The following CD72 variants were observed in gnomAD, a reference collection of about 807,000 sequenced individuals.
The protein encoded by CD72 is CD72 molecule, also known as B-cell differentiation antigen CD72.
CD72 carries 28 observed loss-of-function variants against 50.7 expected under a neutral mutation model. That is an observed-to-expected ratio of 0.55 (90% CI 0.41 to 0.76). The LOEUF (loss-of-function observed/expected upper bound fraction) is 0.76. Ranked by LOEUF, CD72 falls within the 30% of genes least tolerant of loss-of-function variation. The pLI is 0.00. For synonymous variants in CD72, 176 were observed against 171.2 expected (o/e 1.03, Z -0.22); for missense variants, 403 against 420.6 (o/e 0.96, Z 0.37).
upstream of CD72, among the ~76,000 whole-genome samples, chr9:35,624,072 C>T (rs535360878): frequency 6.6e-6 from 1 of 150,534 alleles, no homozygotes; most frequent in South Asian, 2.1e-4. Context: ...ATTAGCTGGG[C>T]GTGGTGGCAC....
At chr9:35,643,975 A>C (rs1279524262) in intron 1 of CD72, among the ~76,000 whole-genome samples, 5 of 151,668 alleles carry the variant, frequency 3.3e-5, no homozygotes, top group Non-Finnish European at 7.4e-5. Flanking sequence ...GACAGAGAAA[A>C]ACTCCGTCTC....
At chr9:35,631,998 A>C (rs1823250453) in intron 1 of CD72, among the ~76,000 whole-genome samples, 1 of 152,200 alleles carries the variant, frequency 6.6e-6, no homozygotes, top group Non-Finnish European at 1.5e-5. Flanking sequence ...ATTTCCCAAA[A>C]GGAGTCTCTC....
upstream of CD72, chr9:35,618,492 G>A (rs1329017029): frequency 1.4e-6 from 2 of 1,385,376 alleles, no homozygotes; most frequent in Admixed American, 2.0e-5. Flanking sequence ...TGGGCTCAAT[G>A]AAGCAGAAGG....
chr9:35,646,309 G>A (rs1294734869), intron 1 of CD72: 2 of 55,032 alleles, frequency 3.6e-5, no homozygotes, highest in Non-Finnish European at 5.3e-5. Flanking sequence ...AGCTCCCCCT[G>A]AGGGTCTGTC....
upstream of CD72, among the ~76,000 whole-genome samples, chr9:35,619,998 T>G (rs1444313948): frequency 1.7e-5 from 2 of 120,216 alleles, no homozygotes; most frequent in African/African-American, 6.4e-5. Context: ...TGGTGGTGAC[T>G]CCCTGGGGAC....
chr9:35,637,559 T>A (rs974220314), intron 1 of CD72, among the ~76,000 whole-genome samples: 1 of 152,148 alleles, frequency 6.6e-6, no homozygotes, highest in Non-Finnish European at 1.5e-5. Context: ...TACCCTTCAA[T>A]CTCCCTGTCC....
chr9:35,627,861 C>T lies in CD72; in HGVS notation n.409-9740G>A, dbSNP rs956654318. On this transcript the variant is annotated intron_variant and non_coding_transcript_variant, in intron 1 of 3. Transcript: ENST00000465754. Reference sequence around the variant, plus strand: ...TTTTTTCTTTTTTAATCAGAGTCAGCGTCTCACTCTGTCACCCAGGCTGGA... The same window carrying T: ...TTTTTTCTTTTTTAATCAGAGTCAGTGTCTCACTCTGTCACCCAGGCTGGA... 9.2e-5 allele frequency among the ~76,000 whole-genome samples: 14 copies of T among 151,574 alleles called. No homozygotes were observed. In the South Asian group the frequency reaches 2.7e-3, roughly 29 times the overall value.
chr9:35,626,196 A>G (rs1823196322), intron 1 of CD72, among the ~76,000 whole-genome samples: 1 of 151,490 alleles, frequency 6.6e-6, no homozygotes, highest in Admixed American at 6.6e-5. Context: ...ATCAACATTA[A>G]CAGGAGTTTG....
At chr9:35,627,278 C>A (rs1356617325) in intron 1 of CD72, among the ~76,000 whole-genome samples, 1 of 151,912 alleles carries the variant, frequency 6.6e-6, no homozygotes, top group Non-Finnish European at 1.5e-5. Context: ...GCATGCACCA[C>A]CAGGACAGGC....
Position 35,626,857 on chromosome 9 carries a change from C to CT in CD72, n.409-8737dup, listed in dbSNP as rs950823397. On this transcript the variant is annotated intron_variant and non_coding_transcript_variant, in intron 1 of 3. Coordinates refer to the CD72 transcript ENST00000465754. ...AGACTACAGTATAGTATAAACATTA[C>CT]TTTTTTTTTTTTGAGATGGAGTCTC... Among the ~76,000 whole-genome samples the CT allele has an allele frequency of 2.6e-3, 383 of 147,392 alleles. 1 individual carries two copies. The highest frequency in any genetic ancestry group is 3.6e-3 in the Middle Eastern group (1 of 278).
At chr9:35,630,724 A>C (rs1440654507) in intron 1 of CD72, among the ~76,000 whole-genome samples, 1 of 152,166 alleles carries the variant, frequency 6.6e-6, no homozygotes, top group Non-Finnish European at 1.5e-5. Flanking sequence ...CTGGGGCTAA[A>C]TCACTTAATC....
upstream of CD72, chr9:35,646,820 G>C (rs1329371840): frequency 1.3e-5 from 2 of 152,276 alleles, no homozygotes; most frequent in South Asian, 2.1e-4. Flanking sequence ...CGCGTCGTCA[G>C]GGACCAGACC....
At chr9:35,616,941 C>T in intron 3 of CD72, 1 of 1,384,356 alleles carries the variant, frequency 7.2e-7, no homozygotes, top group Non-Finnish European at 9.5e-7. Context: ...AAATATCAGA[C>T]GGAGAGAGGG....
intron 1 of CD72, among the ~76,000 whole-genome samples, chr9:35,638,433 G>C (rs1172388035): frequency 6.6e-6 from 1 of 152,000 alleles, no homozygotes; most frequent in Non-Finnish European, 1.5e-5. Flanking sequence ...CACCCAGTCT[G>C]GCTTACAGTT....
intron 1 of CD72, among the ~76,000 whole-genome samples, chr9:35,638,917 C>G (rs1012426648): frequency 2.0e-5 from 3 of 152,236 alleles, no homozygotes; most frequent in Non-Finnish European, 4.4e-5. Flanking sequence ...CTAAAGGAAA[C>G]TACCCAAGGT....
intron 1 of CD72, among the ~76,000 whole-genome samples, chr9:35,643,981 G>A (rs549432262): frequency 2.9e-4 from 43 of 150,578 alleles, no homozygotes; most frequent in African/African-American, 9.0e-4. Context: ...GAAAAACTCC[G>A]TCTCAAAACA....
upstream of CD72, among the ~76,000 whole-genome samples, chr9:35,624,335 C>CAGCG (rs1823175880): frequency 6.6e-6 from 1 of 151,592 alleles, no homozygotes. Flanking sequence ...ATGGACAAGC[C>CAGCG]AGCGACCTGG....
At chr9:35,630,619 T>G (rs1046663815) in intron 1 of CD72, among the ~76,000 whole-genome samples, 3 of 152,256 alleles carry the variant, frequency 2.0e-5, no homozygotes, top group African/African-American at 7.2e-5. Flanking sequence ...TGAGTAAATG[T>G]ATGTACCATA....
intron 1 of CD72, among the ~76,000 whole-genome samples, chr9:35,641,319 A>T (rs190271540): frequency 3.3e-5 from 5 of 152,326 alleles, no homozygotes; most frequent in African/African-American, 1.2e-4. Flanking sequence ...TACAGTTTCA[A>T]TTCTGGAAGA....
Sources: allele counts gnomAD v4.1 joint callset (sites outside exome capture counted in the v4.1 genomes callset), GRCh38; gene constraint gnomAD v4.1.1; transcripts MANE v1.5; gene names NCBI Gene and HGNC (gene_info 2026-07-23, HGNC 2026-07-21).